KLKB1: variants seen among roughly 807,000 people sequenced by gnomAD.
The protein encoded by KLKB1 is kallikrein B1.
In KLKB1, 58 loss-of-function variants were observed where a neutral mutation model predicts 73.6. The observed-to-expected ratio is 0.79, with a 90% confidence interval of 0.64 to 0.98. The LOEUF is 0.98. KLKB1 is among the 50% of genes least tolerant of loss of function. The pLI is 0.00. For synonymous variants in KLKB1, 280 were observed against 258.1 expected, an observed-to-expected ratio of 1.08 and a Z score of -0.81; for missense variants, 737 against 763.8, an observed-to-expected ratio of 0.96 and a Z score of 0.41.
At chr4:186,212,163 C>T (rs912392102) in intron 2 of KLKB1, 2 of 152,222 alleles carry the variant, frequency 1.3e-5, no homozygotes, top group African/African-American at 4.8e-5. Context: ...AATCTCTCCA[C>T]TCACATGCTG....
At chr4:186,251,176 C>A in intron 7 of KLKB1, 43 bp from the exon 8 acceptor site, 3 of 1,363,414 alleles carry the variant, frequency 2.2e-6, no homozygotes, top group Non-Finnish European at 2.1e-6. Context: ...GCCTTTAATG[C>A]AAATTTCTTT....
At chr4:186,228,524 A>G (rs909838120) in intron 2 of KLKB1, among the ~76,000 whole-genome samples, 2 of 152,132 alleles carry the variant, frequency 1.3e-5, no homozygotes, top group African/African-American at 4.8e-5. Flanking sequence ...CGCAGATGAC[A>G]CTCTGCAAAG....
chr4:186,236,120 A>G (rs1158566700), intron 4 of KLKB1, among the ~76,000 whole-genome samples: 1 of 150,444 alleles, frequency 6.6e-6, no homozygotes, highest in Non-Finnish European at 1.5e-5. Flanking sequence ...TCTCAAAAAA[A>G]AAAAAAAAAA....
upstream of KLKB1, chr4:186,226,419 C>T (rs1737172853): frequency 6.6e-6 from 1 of 152,284 alleles, no homozygotes; most frequent in African/African-American, 2.4e-5. Context: ...ATTCACTAGT[C>T]AGATTGACCA....
At chr4:186,238,170 G>A in intron 5 of KLKB1, 86 bp from the exon 6 acceptor site, 1 of 856,234 alleles carries the variant, frequency 1.2e-6, no homozygotes, top group Non-Finnish European at 2.0e-6. Flanking sequence ...TTTTTCCACT[G>A]TGCATTTTAA....
At chr4:186,256,817 G>C (rs941515006) in intron 13 of KLKB1, among the ~76,000 whole-genome samples, 1 of 152,180 alleles carries the variant, frequency 6.6e-6, no homozygotes, top group African/African-American at 2.4e-5. Context: ...GATTGTTGTA[G>C]GTGATAAATA....
rs142408237 is a variant in KLKB1, at chr4:186,251,574, A to G, written c.956A>G (p.Gln319Arg). Residue 319 changes from glutamine (Q) to arginine (R), a missense_variant, in exon 9 of 15, where the codon CAA becomes CGA. Transcript: ENST00000264690. ...TTTGTTAAAGGAGTGAATGTTTGCCAAGAGACTTGCACAAAGATGATTCGC... is the reference window on the plus strand; with the variant it reads ...TTTGTTAAAGGAGTGAATGTTTGCCGAGAGACTTGCACAAAGATGATTCGC... ...VTFVKGVNVC[Q>R]ETCTKMIRCQ... 5.1e-5 allele frequency: 82 copies of G among 1,614,086 alleles called. 1 individual carries two copies. In the African/African-American group the frequency reaches 9.6e-4, roughly 19 times the overall value.
At chr4:186,227,120 C>A (rs1737192902), upstream of KLKB1, among the ~76,000 whole-genome samples, 1 of 152,166 alleles carries the variant, frequency 6.6e-6, no homozygotes, top group African/African-American at 2.4e-5. Flanking sequence ...GAGGGCATCT[C>A]TCTCCATACT....
chr4:186,258,229 TA>T lies in KLKB1; in HGVS notation c.*18del. 6.2e-7 allele frequency: 1 copy of T among 1,609,528 alleles called. No homozygotes were observed. Among genetic ancestry groups the T allele is most frequent in the South Asian group, 1.1e-5 (1 of 90,552 alleles). ...CCAGCATGAGAAGCAGTCCAGAGTC[TA>T]GGCAATTTTTACAACCTGAGTTCAA... On this transcript the variant is annotated 3_prime_UTR_variant, in exon 15 of 15. Transcript: ENST00000264690.
At chr4:186,238,668 C>T (rs976378619) in intron 6 of KLKB1, among the ~76,000 whole-genome samples, 3 of 152,086 alleles carry the variant, frequency 2.0e-5, no homozygotes, top group African/African-American at 4.8e-5. Context: ...GATGAAGGTC[C>T]GTGAGCCAAG....
chr4:186,256,047 C>CAACT lies in KLKB1; in HGVS notation c.1546_1549dup (p.Cys517Ter). 1.9e-6 allele frequency: 3 copies of CAACT among 1,612,862 alleles called. No homozygotes were observed. The highest frequency in any genetic ancestry group is 2.5e-6 in the Non-Finnish European group (3 of 1,178,962). On this transcript the variant is annotated frameshift_variant, in exon 13 of 15. Transcript: ENST00000264690. LOFTEE classifies it high-confidence loss of function. ...AAGGTGACACAAGCACAATTTATAC[C>CAACT]AACTGTTGGGTAACCGGATGGGGCT...
chr4:186,242,380 G>A (rs980825322), intron 6 of KLKB1, among the ~76,000 whole-genome samples: 4 of 152,146 alleles, frequency 2.6e-5, no homozygotes, highest in Non-Finnish European at 4.4e-5. Flanking sequence ...AAGTGTTGGG[G>A]TGGCGAAAGT....
intron 6 of KLKB1, 96 bp downstream of exon 6, chr4:186,238,461 TC>T: frequency 1.2e-6 from 1 of 861,360 alleles, no homozygotes; most frequent in Non-Finnish European, 2.0e-6. Flanking sequence ...GTGCGTGTGT[TC>T]CCATAGCTGG....
upstream of KLKB1, among the ~76,000 whole-genome samples, chr4:186,225,859 ACTTTCT>A (rs532757389): frequency 1.1e-3 from 163 of 152,216 alleles, 1 homozygote; most frequent in South Asian, 8.3e-3. Flanking sequence ...AGTTTCTGCA[ACTTTCT>A]CTTTCTCTAC....
Position 186,232,173 on chromosome 4 carries a change from T to A in KLKB1, c.105T>A (p.Asp35Glu). The A allele has an allele frequency of 6.8e-6, 11 of 1,613,868 alleles. No individual in the cohort carries two copies. The highest frequency in any genetic ancestry group is 9.3e-6 in the Non-Finnish European group (11 of 1,179,750). ...LYENAFFRGG[D>E]VASMYTPNAQ... ...AAAACGCCTTCTTCAGAGGTGGGGATGTAGCTTCCATGTACACCCCAAATG... is the reference window on the plus strand; with the variant it reads ...AAAACGCCTTCTTCAGAGGTGGGGAAGTAGCTTCCATGTACACCCCAAATG... The change falls in exon 3 of 15, where the codon GAT becomes GAA. Residue 35 changes from aspartate (D) to glutamate (E), a missense_variant. Transcript: ENST00000264690.
chr4:186,242,083 G>A (rs1014689245), intron 6 of KLKB1, among the ~76,000 whole-genome samples: 3 of 151,812 alleles, frequency 2.0e-5, no homozygotes, highest in Admixed American at 6.6e-5. Flanking sequence ...GGGTGGGGAC[G>A]TTTTATAGGA....
intron 4 of KLKB1, among the ~76,000 whole-genome samples, chr4:186,235,458 T>A (rs1426112288): frequency 6.6e-6 from 1 of 152,194 alleles, no homozygotes; most frequent in Non-Finnish European, 1.5e-5. Context: ...TTTTTATTTG[T>A]AAGAGTCGCA....
chr4:186,257,482 C>CT lies in KLKB1; in HGVS notation c.1725+118dup, dbSNP rs1386443488. The CT allele has an allele frequency of 6.1e-6, 5 of 815,154 alleles. No homozygotes were observed. The African/African-American group carries it at 7.1e-5, about 12-fold the overall frequency. The allele number at this position is 815,154 out of a possible 1,614,324, so 50.5% of individuals were successfully genotyped here. The stretch of plus-strand genomic sequence containing the variant: ...TTAAAAAAATTCAGAGACAAATGAT[C>CT]TGATAAATTGATAAGCAACTTTTAA... On this transcript the variant is annotated intron_variant, in intron 14 of 14. Coordinates refer to ENST00000264690, the MANE Select transcript of KLKB1 (RefSeq NM_000892.5).
chr4:186,212,920 C>G (rs1378782714), intron 2 of KLKB1: 1 of 152,066 alleles, frequency 6.6e-6, no homozygotes, highest in Non-Finnish European at 1.5e-5. Flanking sequence ...GGAAATATTC[C>G]CATCAAATGG....
Sources: gnomAD v4.1 joint callset for allele counts (sites outside exome capture counted in the v4.1 genomes callset) on GRCh38, gnomAD v4.1.1 for gene constraint, MANE v1.5 for transcripts, NCBI Gene and HGNC (gene_info 2026-07-23, HGNC 2026-07-21) for gene names.